The following VTI1B variants were observed in gnomAD, a reference collection of about 807,000 sequenced individuals.
VTI1B encodes the protein vesicle transport through interaction with t-SNAREs 1B, also known as vesicle transport through interaction with t-SNAREs homolog 1B.
Under a neutral mutation model 28.6 loss-of-function variants are expected in VTI1B, and 18 were observed. That is an observed-to-expected ratio of 0.63 (90% confidence interval 0.43 to 0.93). The LOEUF (loss-of-function observed/expected upper bound fraction) is 0.93, where lower values mean the gene tolerates loss of function less well. VTI1B is among the 40% of genes least tolerant of loss of function. VTI1B has a pLI of 0.00. For missense variants in VTI1B, 283 were observed against 297.0 expected, an observed-to-expected ratio of 0.95 and a Z score of 0.35; for synonymous variants, 100 against 107.9, an observed-to-expected ratio of 0.93 and a Z score of 0.46.
chr14:67,663,380 T>G (rs2037362772), intron 1 of VTI1B, among the ~76,000 whole-genome samples: 1 of 152,056 alleles, frequency 6.6e-6, no homozygotes, highest in Non-Finnish European at 1.5e-5. Flanking sequence ...ATAAAGAAAA[T>G]GTAAGTGACA....
rs769287320 is a variant in VTI1B, at chr14:67,650,481, G to C, written c.*904C>G. The C allele has an allele frequency of 3.6e-6, 2 of 549,308 alleles. No individual in the cohort carries two copies. Among genetic ancestry groups the C allele is most frequent in the Non-Finnish European group, 6.5e-6 (2 of 306,602 alleles). The allele number at this position is 549,308 out of a possible 1,614,324, so 34.0% of individuals were successfully genotyped here. On this transcript the variant is annotated 3_prime_UTR_variant, in exon 6 of 6. Transcript: ENST00000554659. ...CTGTTATGTTAGTTGAACAGGGATG[G>C]TTTATTTCATTATCTTAAAAGGTTT... is the stretch of plus-strand genomic sequence containing the variant.
chr14:67,669,519 A>T (rs113133003), intron 1 of VTI1B, among the ~76,000 whole-genome samples: 3 of 151,466 alleles, frequency 2.0e-5, no homozygotes, highest in African/African-American at 7.3e-5. Flanking sequence ...CTCCTGCCTC[A>T]GCCTCCCAAA....
In VTI1B at chr14:67,656,533, C is replaced by G; in HGVS notation, c.423G>C (p.Arg141=). The G allele has an allele frequency of 6.2e-7, 1 of 1,613,820 alleles. No homozygotes were observed. Among genetic ancestry groups the G allele is most frequent in the African/African-American group, 1.3e-5 (1 of 75,034 alleles). ...GAGAACGTTCAATACTTTGGGTGGC[C>G]CGGTTCAGGCTTTCAGTGCCCTGCA... is the stretch of plus-strand genomic sequence containing the variant. ...MLLQGTESLN[R]ATQSIERSHR... The change falls in exon 4 of 6, where the codon CGG becomes CGC. Residue 141 remains arginine, a synonymous_variant. Transcript: ENST00000554659.
In VTI1B at chr14:67,650,401, C is replaced by A; in HGVS notation, c.*984G>T. Reference sequence around the variant, plus strand: ...ATTTTGCCAACAAGCAGGATGAAAACCTCCCCCACCCAACACCAAGCCTTT... The same window carrying A: ...ATTTTGCCAACAAGCAGGATGAAAAACTCCCCCACCCAACACCAAGCCTTT... On this transcript the variant is annotated 3_prime_UTR_variant, in exon 6 of 6. Coordinates refer to ENST00000554659, the MANE Select transcript of VTI1B (RefSeq NM_006370.3). 3.1e-6 allele frequency: 1 copy of A among 327,722 alleles called. No homozygotes were observed. The highest frequency in any genetic ancestry group is 5.7e-6 in the Non-Finnish European group (1 of 176,370). The allele number at this position is 327,722 out of a possible 1,614,324, so 20.3% of individuals were successfully genotyped here. A position where few individuals can be genotyped will look rare whatever the true frequency, so the allele number is the denominator to read the frequency against.
chr14:67,659,964 CCTCA>C (rs1236884690), intron 2 of VTI1B, 42 bp from the exon 3 acceptor site: 1 of 1,579,130 alleles, frequency 6.3e-7, no homozygotes, highest in African/African-American at 1.4e-5. Flanking sequence ...CTGGTTCTTC[CCTCA>C]CTCATTTGGA....
rs1250320951 is a variant in VTI1B at position 67,650,224 on chromosome 14, G to GTGGTGCTC, written c.*1153_*1160dup. On this transcript the variant is annotated 3_prime_UTR_variant, in exon 6 of 6. Transcript: ENST00000554659. ...ATAACTACATTTCAGGGCATATGGT[G>GTGGTGCTC]TGGTGCTCTAACAGATACAGATAAC... 1 of 177,110 alleles carries GTGGTGCTC rather than the reference G, an allele frequency of 5.6e-6. No homozygotes were observed. Among genetic ancestry groups the GTGGTGCTC allele is most frequent in the African/African-American group, 2.4e-5 (1 of 41,826 alleles). The allele number at this position is 177,110 out of a possible 1,614,324, so 11.0% of individuals were successfully genotyped here.
chr14:67,654,164 T>C lies in VTI1B; in HGVS notation c.541-666A>G, dbSNP rs994305131. Among the ~76,000 whole-genome samples, 12 of 152,352 alleles carry C rather than the reference T, an allele frequency of 7.9e-5. No homozygotes were observed. In the East Asian group the frequency reaches 1.5e-3, roughly 20 times the overall value. On this transcript the variant is annotated intron_variant, in intron 4 of 5. Transcript: ENST00000554659. ...CTCCGTCACTCAGGCTGGAGTGCAG[T>C]GCTGCAATCGCAGCTCACTGCAGCC... is the stretch of plus-strand genomic sequence containing the variant.
rs1237431173 is a variant in VTI1B, at chr14:67,659,625, G to A, written c.366+106C>T. 8.9e-6 allele frequency: 10 copies of A among 1,126,822 alleles called. No homozygotes were observed. In the African/African-American group the frequency reaches 1.3e-4, roughly 14 times the overall value. 69.8% of individuals were successfully genotyped at this position (1,126,822 alleles called of 1,614,324 possible). On this transcript the variant is annotated intron_variant, in intron 3 of 5. Coordinates refer to ENST00000554659, the MANE Select transcript of VTI1B (RefSeq NM_006370.3). ...GATAAGGGTGAAAAAAATGAAACAA[G>A]AGTCTAGTATACACTGATAACATGA... is the stretch of plus-strand genomic sequence containing the variant.
chr14:67,658,044 C>A (rs906368675), intron 3 of VTI1B, among the ~76,000 whole-genome samples: 1 of 152,114 alleles, frequency 6.6e-6, no homozygotes, highest in Non-Finnish European at 1.5e-5. Flanking sequence ...CCACTGTGCC[C>A]GGCGCTCTGT....
chr14:67,656,356 A>G, intron 4 of VTI1B, 60 bp downstream of exon 4: 1 of 1,449,868 alleles, frequency 6.9e-7, no homozygotes, highest in Non-Finnish European at 9.2e-7. Context: ...TACGGTTTCC[A>G]GGTGCAGTGG....
intron 5 of VTI1B, 72 bp downstream of exon 5, chr14:67,653,365 A>C: frequency 2.9e-6 from 4 of 1,367,336 alleles, no homozygotes; most frequent in Non-Finnish European, 4.1e-6. Context: ...GACCTTTGTA[A>C]GTCACTATTT....
chr14:67,671,327 A>G (rs559813579), intron 1 of VTI1B, among the ~76,000 whole-genome samples: 4 of 152,100 alleles, frequency 2.6e-5, no homozygotes, highest in Admixed American at 6.5e-5. Flanking sequence ...GGAGTTTGAG[A>G]CCAGCCTGGC....
intron 3 of VTI1B, 148 bp from the exon 4 acceptor site, chr14:67,656,737 T>G: frequency 1.1e-6 from 1 of 900,854 alleles, no homozygotes. Context: ...AGCTAATGAT[T>G]CTTTTCAAGG....
At chr14:67,673,923 C>A (rs1018406560) in intron 1 of VTI1B, among the ~76,000 whole-genome samples, 4 of 152,244 alleles carry the variant, frequency 2.6e-5, no homozygotes, top group African/African-American at 9.6e-5. Flanking sequence ...CCTCCAATAA[C>A]TGGTATTTAC....
rs1459947884 is a variant in VTI1B, at chr14:67,649,697, A to G, written c.*1688T>C. 6.6e-6 allele frequency: 1 copy of G among 152,184 alleles called. No individual in the cohort carries two copies. The highest frequency in any genetic ancestry group is 2.4e-5 in the African/African-American group (1 of 41,438). 9.4% of individuals were successfully genotyped at this position (152,184 alleles called of 1,614,324 possible). ...CTGTACACTCAACTATGCATTGCTA[A>G]TAAGGGAAGATGCTGAACGGACATG... On this transcript the variant is annotated 3_prime_UTR_variant, in exon 6 of 6. Transcript: ENST00000554659.
intron 1 of VTI1B, among the ~76,000 whole-genome samples, chr14:67,673,072 G>A (rs1482905709): frequency 1.3e-5 from 2 of 152,224 alleles, no homozygotes; most frequent in African/African-American, 4.8e-5. Context: ...TCCTCAGAGA[G>A]GACTTTCACA....
chr14:67,656,411 C>A lies in VTI1B; in HGVS notation c.540+5G>T. The A allele has an allele frequency of 1.3e-6, 2 of 1,599,476 alleles. No individual in the cohort carries two copies. Among genetic ancestry groups the A allele is most frequent in the Admixed American group, 3.4e-5 (2 of 59,226 alleles). On this transcript the variant is annotated splice_donor_5th_base_variant and intron_variant, in intron 4 of 5. Transcript: ENST00000554659. The stretch of plus-strand genomic sequence containing the variant: ...TTGCCCCTTTCCCTGTCTGCCCAGA[C>A]TTACTCTACTCTTGGTACGTTCTAA...
At chr14:67,654,782 C>T (rs2037232390) in intron 4 of VTI1B, among the ~76,000 whole-genome samples, 2 of 152,176 alleles carry the variant, frequency 1.3e-5, no homozygotes, top group South Asian at 4.2e-4. Context: ...ATAATTCTAG[C>T]ACTTTGGGAG....
At chr14:67,674,319 TC>T in intron 1 of VTI1B, 55 bp downstream of exon 1, 1 of 1,448,166 alleles carries the variant, frequency 6.9e-7, no homozygotes, top group East Asian at 2.6e-5. Flanking sequence ...GGGAGAATCT[TC>T]CTTCCAAAGC....
Sources: gnomAD v4.1 joint callset for allele counts (sites outside exome capture counted in the v4.1 genomes callset) on GRCh38, gnomAD v4.1.1 for gene constraint, MANE v1.5 for transcripts, NCBI Gene and HGNC (gene_info 2026-07-23, HGNC 2026-07-21) for gene names.